Variants in RAP1GAP observed in about 807,000 individuals in gnomAD.
RAP1GAP encodes the protein rap1 GTPase-activating protein 1.
A neutral mutation model predicts 87.2 loss-of-function variants in RAP1GAP; 35 were observed. That is an observed-to-expected ratio of 0.40 (90% CI 0.31 to 0.53). The LOEUF is 0.53. Ranked by LOEUF, RAP1GAP falls within the 20% of genes least tolerant of loss-of-function variation. The pLI is 0.48. For synonymous variants in RAP1GAP, 375 were observed against 363.9 expected, an observed-to-expected ratio of 1.03 and a Z score of -0.35; for missense variants, 734 against 898.9, an observed-to-expected ratio of 0.82 and a Z score of 2.35.
chr1:21,626,209 TG>T, intron 3 of RAP1GAP, 94 bp downstream of exon 3: 1 of 1,145,360 alleles, frequency 8.7e-7, no homozygotes, highest in East Asian at 2.4e-5. Context: ...ATTTTACCTT[TG>T]CCCAAAAGTC....
Position 21,609,053 on chromosome 1 carries a change from T to G in RAP1GAP, c.1072-117A>C. On this transcript the variant is annotated intron_variant, in intron 15 of 24. Coordinates refer to ENST00000374765, the MANE Select transcript of RAP1GAP (RefSeq NM_002885.4). The surrounding 1 kb of genome is among the most constrained non-coding windows in gnomAD (Gnocchi z 4.4). The stretch of plus-strand genomic sequence containing the variant: ...TCCTGAACCATGCTCTGCTGGGGCC[T>G]GGGGTCACCCTCTTCACTCCCAAAA... 2.3e-6 allele frequency: 2 copies of G among 872,478 alleles called. No homozygotes were observed. The highest frequency in any genetic ancestry group is 3.8e-6 in the Non-Finnish European group (2 of 530,060). The allele number at this position is 872,478 out of a possible 1,614,324, so 54.0% of individuals were successfully genotyped here. A position where few individuals can be genotyped will look rare whatever the true frequency, so the allele number is the denominator to read the frequency against.
intron 18 of RAP1GAP, among the ~76,000 whole-genome samples, chr1:21,605,639 A>C (rs2073940285): frequency 6.6e-6 from 1 of 152,016 alleles, no homozygotes; most frequent in Non-Finnish European, 1.5e-5. Context: ...GGCCTGACAC[A>C]CAGTGGGTGC....
intron 2 of RAP1GAP, among the ~76,000 whole-genome samples, chr1:21,630,456 A>G (rs1428243741): frequency 2.6e-5 from 4 of 151,316 alleles, no homozygotes; most frequent in African/African-American, 4.9e-5. Context: ...AGGTCTCCCT[A>G]TGTTACCCAG....
intron 1 of RAP1GAP, among the ~76,000 whole-genome samples, chr1:21,657,977 C>T (rs899019933): frequency 2.6e-5 from 4 of 152,126 alleles, no homozygotes; most frequent in African/African-American, 7.2e-5. Flanking sequence ...CCCCAGAGGG[C>T]GCCAGGGTGG....
At chr1:21,610,409 T>A in intron 13 of RAP1GAP, 134 bp from the exon 14 acceptor site, 2 of 939,572 alleles carry the variant, frequency 2.1e-6, no homozygotes, top group African/African-American at 1.7e-5. Context: ...CAAAATAATG[T>A]AGCAAAAAAA....
intron 3 of RAP1GAP, among the ~76,000 whole-genome samples, chr1:21,623,132 C>T (rs568828353): frequency 1.2e-4 from 19 of 152,266 alleles, no homozygotes; most frequent in African/African-American, 4.6e-4. Flanking sequence ...TCCCTTCCCC[C>T]GCCCTAGCTG....
rs537734496 is a variant in RAP1GAP at position 21,625,500 on chromosome 1, G to A, written c.-19+804C>T. On this transcript the variant is annotated intron_variant, in intron 3 of 24. Coordinates refer to ENST00000374765, the MANE Select transcript of RAP1GAP (RefSeq NM_002885.4). ...CTGGTCAGACAGCTTGCATCCGGTCGTGGCCCCACCACATCCAACCTGAGT... is the reference window on the plus strand; with the variant it reads ...CTGGTCAGACAGCTTGCATCCGGTCATGGCCCCACCACATCCAACCTGAGT... 1.6e-4 allele frequency among the ~76,000 whole-genome samples: 25 copies of A among 152,258 alleles called. No homozygotes were observed. In the South Asian group the frequency reaches 2.1e-3, roughly 13 times the overall value.
intron 2 of RAP1GAP, among the ~76,000 whole-genome samples, chr1:21,645,078 C>T (rs144383584): frequency 5.3e-5 from 8 of 152,270 alleles, no homozygotes; most frequent in East Asian, 3.9e-4. Context: ...CTGAGTATAG[C>T]GGCTAGGCCT....
At chr1:21,608,561 C>T (rs1283462714) in intron 16 of RAP1GAP, among the ~76,000 whole-genome samples, 1 of 151,646 alleles carries the variant, frequency 6.6e-6, no homozygotes, top group East Asian at 1.9e-4. Context: ...CCCTCAAAGC[C>T]CCTTCAAGAT....
At chr1:21,598,166 C>T (rs1646337692) in intron 22 of RAP1GAP, 102 bp from the exon 23 acceptor site, 4 of 824,006 alleles carry the variant, frequency 4.9e-6, no homozygotes, top group African/African-American at 3.5e-5. Flanking sequence ...TCCAACCCCA[C>T]CCTTAACTTT....
intron 1 of RAP1GAP, among the ~76,000 whole-genome samples, chr1:21,654,650 T>C (rs571569508): frequency 1.3e-5 from 2 of 151,334 alleles, no homozygotes; most frequent in South Asian, 4.2e-4. Context: ...TTAGGCAACA[T>C]AGTGAGACCT....
chr1:21,663,762 C>T (rs536564944), intron 1 of RAP1GAP, among the ~76,000 whole-genome samples: 13 of 152,256 alleles, frequency 8.5e-5, no homozygotes, highest in African/African-American at 2.4e-4. Context: ...AGCCTGGCTG[C>T]GGCAGACACA....
At chr1:21,602,255 G>A (rs1302348780) in intron 19 of RAP1GAP, among the ~76,000 whole-genome samples, 16 of 152,230 alleles carry the variant, frequency 1.1e-4, no homozygotes, top group Non-Finnish European at 2.2e-4. Flanking sequence ...CATGGGTTGT[G>A]TTCTTGTCCC....
chr1:21,606,087 G>C lies in RAP1GAP; in HGVS notation c.1407C>G (p.Asp469Glu). The change falls in exon 18 of 25, where the codon GAC becomes GAG. Residue 469 changes from aspartate (D) to glutamate (E), a missense_variant. Asp to Glu is a conservative substitution (Grantham distance 45, BLOSUM62 2). Coordinates refer to ENST00000374765, the MANE Select transcript of RAP1GAP (RefSeq NM_002885.4). ...HSGSFAPNNP[D>E]LAKAAGISLI... Reference sequence around the variant, plus strand: ...TCACTATTCCAGCCGCCTTGGCCAGGTCGGGGTTGTTGGGCGCGAAGCTCC... The same window carrying C: ...TCACTATTCCAGCCGCCTTGGCCAGCTCGGGGTTGTTGGGCGCGAAGCTCC... 1 of 1,586,654 alleles carries C rather than the reference G, an allele frequency of 6.3e-7. No individual in the cohort carries two copies. The highest frequency in any genetic ancestry group is 8.6e-7 in the Non-Finnish European group (1 of 1,166,980).
intron 6 of RAP1GAP, 96 bp from the exon 7 acceptor site, chr1:21,617,587 G>T: frequency 7.2e-7 from 1 of 1,381,820 alleles, no homozygotes; most frequent in Non-Finnish European, 9.8e-7. Flanking sequence ...CTTCTGTCGT[G>T]GCTAAGGGGT....
chr1:21,597,747 G>C lies in RAP1GAP; in HGVS notation c.1984-19C>G. On this transcript the variant is annotated intron_variant, in intron 23 of 24. Coordinates refer to ENST00000374765, the MANE Select transcript of RAP1GAP (RefSeq NM_002885.4). Reference sequence around the variant, plus strand: ...AACAGCCCTGCAGACAGACAGTGGTGGTGAGGCAGGTGGCAAGACGGGAGA... The same window carrying C: ...AACAGCCCTGCAGACAGACAGTGGTCGTGAGGCAGGTGGCAAGACGGGAGA... The C allele has an allele frequency of 6.2e-7, 1 of 1,613,382 alleles. No homozygotes were observed. The highest frequency in any genetic ancestry group is 8.5e-7 in the Non-Finnish European group (1 of 1,179,496).
intron 22 of RAP1GAP, 163 bp from the exon 23 acceptor site, chr1:21,598,227 C>A (rs1369699752): frequency 2.6e-6 from 2 of 755,446 alleles, no homozygotes; most frequent in South Asian, 1.8e-5. Context: ...AAGAAACCAG[C>A]CCTCCAATCC....
At chr1:21,653,594 C>CTTTCCTTCCTTCCTT (rs1558897512) in intron 1 of RAP1GAP, among the ~76,000 whole-genome samples, 1,213 of 81,164 alleles carry the variant, frequency 0.015, 22 homozygotes, top group Middle Eastern at 0.025. Flanking sequence ...CTTCCTTCCT[C>CTTTCCTTCCTTCCTT]CCTCCCTCCC....
intron 24 of RAP1GAP, 141 bp from the exon 25 acceptor site, chr1:21,597,405 G>A (rs1645685899): frequency 2.8e-6 from 1 of 355,558 alleles, no homozygotes; most frequent in Middle Eastern, 7.5e-4. Context: ...CAGGCTCCAG[G>A]TCTTTCCATC....
Sources: gnomAD v4.1 joint callset for allele counts (sites outside exome capture counted in the v4.1 genomes callset) on GRCh38, gnomAD v4.1.1 for gene constraint, Gnocchi (gnomAD v3.1) non-coding constraint, MANE v1.5 for transcripts, NCBI Gene and HGNC (gene_info 2026-07-23, HGNC 2026-07-21) for gene names.